The following FYN variants were observed in gnomAD, a reference collection of about 807,000 sequenced individuals.
The protein encoded by FYN is FYN proto-oncogene, Src family tyrosine kinase, also known as tyrosine-protein kinase Fyn.
Under a neutral mutation model 70.2 loss-of-function variants are expected in FYN, and 10 were observed. The ratio of observed to expected loss-of-function variants is 0.14; its 90% CI spans 0.09 to 0.24. FYN has a LOEUF of 0.24. Among genes scored for constraint, FYN ranks in the 10% least tolerant of loss-of-function variants. The pLI, the probability that FYN is intolerant of heterozygous loss-of-function variation, is 1.00. For missense variants in FYN, 319 were observed against 673.1 expected (o/e 0.47, Z 5.82); for synonymous variants, 236 against 248.6 (o/e 0.95, Z 0.48).
intron 2 of FYN, among the ~76,000 whole-genome samples, chr6:111,808,638 G>A (rs1304168547): frequency 6.6e-6 from 1 of 152,196 alleles, no homozygotes; most frequent in Non-Finnish European, 1.5e-5. Context: ...GCACAGAGCA[G>A]AGTGGAGAGT....
chr6:111,670,894 T>A (rs889198360), intron 13 of FYN, among the ~76,000 whole-genome samples: 2 of 152,176 alleles, frequency 1.3e-5, no homozygotes, highest in African/African-American at 4.8e-5. Context: ...CCCAGAAAAC[T>A]GCTTTTACTT....
At chr6:111,682,701 T>A (rs1798828154) in intron 12 of FYN, among the ~76,000 whole-genome samples, 1 of 152,148 alleles carries the variant, frequency 6.6e-6, no homozygotes, top group Admixed American at 6.5e-5. Context: ...ACTATGATCA[T>A]TTAGGAAAGG....
intron 5 of FYN, among the ~76,000 whole-genome samples, chr6:111,711,000 C>G (rs996336366): frequency 6.6e-6 from 1 of 152,170 alleles, no homozygotes; most frequent in Non-Finnish European, 1.5e-5. Flanking sequence ...TTTATAACAG[C>G]TGTCTCTGTT....
At chr6:111,738,630 T>C (rs1444350652) in intron 3 of FYN, among the ~76,000 whole-genome samples, 2 of 152,236 alleles carry the variant, frequency 1.3e-5, no homozygotes, top group East Asian at 1.9e-4. Flanking sequence ...CTGAGCAAGA[T>C]GTGGCTCAAA....
At chr6:111,721,849 G>A (rs973699911) in intron 3 of FYN, among the ~76,000 whole-genome samples, 3 of 152,188 alleles carry the variant, frequency 2.0e-5, no homozygotes, top group Admixed American at 6.5e-5. Flanking sequence ...ACAGGGGTCA[G>A]GTAGAACAGG....
intron 3 of FYN, among the ~76,000 whole-genome samples, chr6:111,758,516 G>C (rs1354504611): frequency 1.3e-5 from 2 of 152,082 alleles, no homozygotes; most frequent in African/African-American, 4.8e-5. Context: ...TACATTTTTG[G>C]TGGTCACCAA....
intron 3 of FYN, among the ~76,000 whole-genome samples, chr6:111,758,225 T>C (rs562040301): frequency 6.6e-6 from 1 of 152,294 alleles, no homozygotes; most frequent in African/African-American, 2.4e-5. Context: ...ATAAATTTAG[T>C]GACTAAAAAA....
chr6:111,709,151 T>C (rs939595416), intron 5 of FYN: 7 of 151,922 alleles, frequency 4.6e-5, no homozygotes, highest in Non-Finnish European at 1.0e-4. Flanking sequence ...TTCCTCCTTT[T>C]TTGGTCCTTG....
intron 2 of FYN, among the ~76,000 whole-genome samples, chr6:111,799,482 T>C (rs1771915751): frequency 6.6e-6 from 1 of 152,214 alleles, no homozygotes; most frequent in Non-Finnish European, 1.5e-5. Flanking sequence ...ACCAATACAC[T>C]GACAGAGAAA....
chr6:111,787,014 T>A (rs555968430), intron 2 of FYN, among the ~76,000 whole-genome samples: 1 of 152,220 alleles, frequency 6.6e-6, no homozygotes, highest in African/African-American at 2.4e-5. Flanking sequence ...ATTCTGTAGG[T>A]TGCCTGTTCG....
At chr6:111,797,064 C>G (rs919281779) in intron 2 of FYN, among the ~76,000 whole-genome samples, 10 of 152,054 alleles carry the variant, frequency 6.6e-5, no homozygotes, top group Admixed American at 6.5e-4. Flanking sequence ...GAAAGATGTA[C>G]AGAAGTTACT....
chr6:111,825,810 A>AG (rs960240239), intron 2 of FYN, among the ~76,000 whole-genome samples: 1 of 152,076 alleles, frequency 6.6e-6, no homozygotes, highest in Non-Finnish European at 1.5e-5. Context: ...GGAAAGCTGG[A>AG]GGGAAAAAGA....
intron 2 of FYN, among the ~76,000 whole-genome samples, chr6:111,812,265 G>A (rs554739104): frequency 6.6e-6 from 1 of 152,358 alleles, no homozygotes; most frequent in East Asian, 1.9e-4. Flanking sequence ...AGGCCTCTGG[G>A]AGGAGGCAGG....
At chr6:111,812,820 T>G (rs1421002769) in intron 2 of FYN, among the ~76,000 whole-genome samples, 1 of 151,884 alleles carries the variant, frequency 6.6e-6, no homozygotes, top group Non-Finnish European at 1.5e-5. Flanking sequence ...TTCCTCAGAG[T>G]AGTGTTTTGA....
rs141796171 is a variant in FYN, at chr6:111,859,951, C to T, written c.-123+13017G>A. On this transcript the variant is annotated intron_variant, in intron 1 of 13. Transcript: ENST00000354650. ...AGTTTCCTTGTAAGAGAGGAGAAGG[C>T]CATGCAATGACATGCAGAGGAAAAT... 6.2e-3 allele frequency among the ~76,000 whole-genome samples: 949 copies of T among 152,234 alleles called. 7 individuals are homozygous for T. Among genetic ancestry groups the T allele is most frequent in the Non-Finnish European group, 8.8e-3 (597 of 68,022 alleles).
intron 3 of FYN, among the ~76,000 whole-genome samples, chr6:111,723,151 A>G (rs1028446329): frequency 2.6e-5 from 4 of 152,218 alleles, no homozygotes; most frequent in African/African-American, 9.7e-5. Context: ...CCTACATTTA[A>G]CCAAACTAAG....
intron 2 of FYN, among the ~76,000 whole-genome samples, chr6:111,795,131 C>A (rs1360015656): frequency 6.6e-6 from 1 of 152,176 alleles, no homozygotes; most frequent in East Asian, 1.9e-4. Context: ...TGAATTGTAT[C>A]CCTCCAAAAT....
intron 3 of FYN, among the ~76,000 whole-genome samples, chr6:111,742,387 C>T (rs6911866): frequency 0.44 from 66,884 of 152,046 alleles, 14,943 homozygotes; most frequent in East Asian, 0.61. Flanking sequence ...TAATACATCA[C>T]GTTGTTAATG....
intron 2 of FYN, among the ~76,000 whole-genome samples, chr6:111,843,227 CCT>C (rs1435962968): frequency 1.3e-5 from 2 of 152,214 alleles, no homozygotes; most frequent in African/African-American, 2.4e-5. Context: ...GGAAACCAAA[CCT>C]CTCTCCTCAG....
Sources: allele counts gnomAD v4.1 joint callset (sites outside exome capture counted in the v4.1 genomes callset), GRCh38; gene constraint gnomAD v4.1.1; transcripts MANE v1.5; gene names NCBI Gene and HGNC (gene_info 2026-07-23, HGNC 2026-07-21).